The following XDH variants were observed in gnomAD, a reference collection of about 807,000 sequenced individuals.
XDH encodes the protein xanthine dehydrogenase/oxidase.
XDH carries 138 observed loss-of-function variants against 156.1 expected under a neutral mutation model. The ratio of observed to expected loss-of-function variants is 0.88; its 90% CI spans 0.77 to 1.02. The LOEUF is 1.02. XDH is among the 50% of genes least tolerant of loss of function. The pLI is 0.00. For missense variants in XDH, 1,849 were observed against 1,684.9 expected, an observed-to-expected ratio of 1.10 and a Z score of -1.71; for synonymous variants, 669 against 625.7, an observed-to-expected ratio of 1.07 and a Z score of -1.03.
At chr2:31,369,212 C>T (rs186883255) in intron 18 of XDH, among the ~76,000 whole-genome samples, 43 of 152,150 alleles carry the variant, frequency 2.8e-4, no homozygotes, top group East Asian at 5.8e-4. Context: ...CTGTAAGACA[C>T]GTACTTACAA....
At position 31,349,650 on chromosome 2, in the gene XDH, C is replaced by A. The variant is rs765610221; in HGVS notation, c.2969+36G>T. 1.9e-6 allele frequency: 3 copies of A among 1,613,202 alleles called. No individual in the cohort carries two copies. In the Admixed American group the frequency reaches 5.0e-5, roughly 27 times the overall value. On this transcript the variant is annotated intron_variant, in intron 26 of 35. Coordinates refer to ENST00000379416, the MANE Select transcript of XDH (RefSeq NM_000379.4). ...CAGAAAGGCTGTAGGATATGAAACC[C>A]AGAAGAGCAACTGGACTTCTACTCC...
intron 10 of XDH, 46 bp downstream of exon 10, chr2:31,383,709 C>T: frequency 2.5e-6 from 4 of 1,582,576 alleles, no homozygotes; most frequent in Non-Finnish European, 3.5e-6. Context: ...TAACCTATCC[C>T]CAGCCTCACA....
At chr2:31,347,043 T>C (rs1314313037) in intron 29 of XDH, among the ~76,000 whole-genome samples, 200 bp from the exon 30 acceptor site, 1 of 152,174 alleles carries the variant, frequency 6.6e-6, no homozygotes, top group African/African-American at 2.4e-5. Context: ...CCACCACTAG[T>C]CCCTGCTTGG....
In XDH at chr2:31,350,014, A is replaced by G. The variant is rs1380621027; in HGVS notation, c.2823+18T>C. ...AGTCTAAAGCACTCTGACTTGTGCTACCAAATTCTCAGCTTACCTCCTCTG... is the reference window on the plus strand; with the variant it reads ...AGTCTAAAGCACTCTGACTTGTGCTGCCAAATTCTCAGCTTACCTCCTCTG... On this transcript the variant is annotated intron_variant, in intron 25 of 35. Coordinates refer to ENST00000379416, the MANE Select transcript of XDH (RefSeq NM_000379.4). 1 of 1,613,470 alleles carries G rather than the reference A, an allele frequency of 6.2e-7. No homozygotes were observed. The highest frequency in any genetic ancestry group is 8.5e-7 in the Non-Finnish European group (1 of 1,180,032).
rs761159390 is a variant in XDH, at chr2:31,337,827, G to C, written c.3775-10C>G. 11 of 1,613,752 alleles carry C rather than the reference G, an allele frequency of 6.8e-6. No homozygotes were observed. In the South Asian group the frequency reaches 1.1e-4, roughly 16 times the overall value. Reference sequence around the variant, plus strand: ...GCGGCTCTCCAACAGCCTGAACACAGACAGGGCACAGGGCAGGGGCTCAGG... The same window carrying C: ...GCGGCTCTCCAACAGCCTGAACACACACAGGGCACAGGGCAGGGGCTCAGG... On this transcript the variant is annotated splice_polypyrimidine_tract_variant and intron_variant, in intron 34 of 35. Coordinates refer to ENST00000379416, the MANE Select transcript of XDH (RefSeq NM_000379.4).
intron 6 of XDH, among the ~76,000 whole-genome samples, chr2:31,391,528 T>C (rs1686763018): frequency 6.6e-6 from 1 of 152,182 alleles, no homozygotes; most frequent in African/African-American, 2.4e-5. Context: ...AATTTGTTGA[T>C]AGCCACAAAA....
chr2:31,391,242 G>A (rs893055748), intron 6 of XDH, among the ~76,000 whole-genome samples: 12 of 152,226 alleles, frequency 7.9e-5, no homozygotes, highest in South Asian at 2.1e-4. Context: ...TTGCTCCATC[G>A]TATCGCCTTT....
Position 31,342,292 on chromosome 2 carries a change from G to A in XDH, c.3410C>T (p.Pro1137Leu), listed in dbSNP as rs868595977. The A allele has an allele frequency of 6.2e-7, 1 of 1,613,698 alleles. No homozygotes were observed. The highest frequency in any genetic ancestry group is 2.2e-5 in the East Asian group (1 of 44,882). Residue 1137 changes from proline (P) to leucine (L), a missense_variant, in exon 32 of 36, where the codon CCC becomes CTC. Coordinates refer to ENST00000379416, the MANE Select transcript of XDH (RefSeq NM_000379.4). ...SLSATGFYRT[P>L]NLGYSFETNS... ...AGTCTCAAAGCTGTAGCCCAGATTG[G>A]GTGTTCTGGGAGAGGAAAGAGAAGG...
rs1048352055 is a variant in XDH, at chr2:31,337,582, G to A, written c.3951+59C>T. Reference sequence around the variant, plus strand: ...TCCTCTGTGCAGAACCTTCCCTGCAGTTTGCCAGCCTATCCCTGGCCTCCC... The same window carrying A: ...TCCTCTGTGCAGAACCTTCCCTGCAATTTGCCAGCCTATCCCTGGCCTCCC... On this transcript the variant is annotated intron_variant, in intron 35 of 35. Transcript: ENST00000379416. The A allele has an allele frequency of 1.9e-6, 3 of 1,611,718 alleles. No individual in the cohort carries two copies. In the African/African-American group the frequency reaches 4.0e-5, roughly 22 times the overall value.
At chr2:31,365,385 C>T (rs2148766757) in intron 23 of XDH, 72 bp downstream of exon 23, 1 of 1,530,870 alleles carries the variant, frequency 6.5e-7, no homozygotes, top group Non-Finnish European at 9.1e-7. Context: ...GCTCAGGATG[C>T]CTGGACATTC....
At chr2:31,341,232 C>A (rs1685115216) in intron 33 of XDH, 97 bp downstream of exon 33, 3 of 1,244,140 alleles carry the variant, frequency 2.4e-6, no homozygotes, top group South Asian at 1.3e-5. Flanking sequence ...TGTTTGAAGA[C>A]AACCTTGGAC....
At position 31,366,112 on chromosome 2, in the gene XDH, G is replaced by C; in HGVS notation, c.2323-3C>G. 1.9e-6 allele frequency: 3 copies of C among 1,614,212 alleles called. No individual in the cohort carries two copies. The highest frequency in any genetic ancestry group is 2.5e-6 in the Non-Finnish European group (3 of 1,180,046). On this transcript the variant is annotated splice_polypyrimidine_tract_variant and splice_region_variant and intron_variant, in intron 21 of 35. Transcript: ENST00000379416. ...CCCAACATTTTTGCAACAAAGCTCT[G>C]TGAGTGAAAGACAGAACATTCGCAC...
chr2:31,346,906 A>T, intron 29 of XDH, 63 bp from the exon 30 acceptor site: 3 of 1,608,702 alleles, frequency 1.9e-6, no homozygotes, highest in Non-Finnish European at 2.5e-6. Context: ...GCCCAGGCAA[A>T]ACCCGAGGGC....
chr2:31,381,035 A>T (rs1686423409), intron 12 of XDH, among the ~76,000 whole-genome samples: 1 of 152,052 alleles, frequency 6.6e-6, no homozygotes, highest in African/African-American at 2.4e-5. Flanking sequence ...TCACTCTGTC[A>T]CCCAGGCTGG....
At chr2:31,414,446 G>A (rs770872789) in intron 1 of XDH, among the ~76,000 whole-genome samples, 179 bp downstream of exon 1, 19 of 151,620 alleles carry the variant, frequency 1.3e-4, no homozygotes, top group Admixed American at 8.5e-4. Flanking sequence ...CTCTAGCCCC[G>A]AGAAGGTCTT....
chr2:31,368,020 A>G lies in XDH; in HGVS notation c.2138T>C (p.Leu713Pro). 1 of 1,614,150 alleles carries G rather than the reference A, an allele frequency of 6.2e-7. No homozygotes were observed. Among genetic ancestry groups the G allele is most frequent in the Non-Finnish European group, 8.5e-7 (1 of 1,180,004 alleles). The change falls in exon 20 of 36, where the codon CTG (leucine) becomes CCG (proline). Residue 713 changes from leucine (L) to proline (P), a missense_variant. Transcript: ENST00000379416. ...CTTTAGGTCCCCTTTCTCGATCTTCAGCTCAGGTCCATAAAAGGAGTTGTT... is the reference window on the plus strand; with the variant it reads ...CTTTAGGTCCCCTTTCTCGATCTTCGGCTCAGGTCCATAAAAGGAGTTGTT... Reference protein sequence around the residue: ...IKNNSFYGPELKIEKGDLKKG... With the variant: ...IKNNSFYGPEPKIEKGDLKKG...
At chr2:31,368,264 C>T (rs1685975384) in intron 19 of XDH, among the ~76,000 whole-genome samples, 1 of 152,130 alleles carries the variant, frequency 6.6e-6, no homozygotes. Flanking sequence ...GGTGGACAAC[C>T]CTGGACCTTG....
At chr2:31,372,422 G>C in intron 16 of XDH, 25 bp from the exon 17 acceptor site, 1 of 1,613,698 alleles carries the variant, frequency 6.2e-7, no homozygotes. Context: ...TCATCAATCA[G>C]GGTGAGCTGC....
chr2:31,365,828 C>A (rs1006315857), intron 22 of XDH, 148 bp downstream of exon 22: 2 of 1,374,680 alleles, frequency 1.5e-6, no homozygotes, highest in African/African-American at 2.9e-5. Flanking sequence ...TCCCACTATG[C>A]CCAAGGGTTC....
Sources: allele counts gnomAD v4.1 joint callset (sites outside exome capture counted in the v4.1 genomes callset), GRCh38; gene constraint gnomAD v4.1.1; transcripts MANE v1.5; gene names NCBI Gene and HGNC (gene_info 2026-07-23, HGNC 2026-07-21).